SLCO1B1: variants seen among roughly 807,000 people sequenced by gnomAD.
The protein encoded by SLCO1B1 is OATP-2.
Under a neutral mutation model 70.1 loss-of-function variants are expected in SLCO1B1, and 81 were observed. The observed-to-expected ratio is 1.16, with a 90% CI of 0.97 to 1.39. SLCO1B1 has a LOEUF of 1.39. SLCO1B1 is among the 40% of genes most tolerant of loss of function. The pLI, the probability that SLCO1B1 is intolerant of heterozygous loss-of-function variation, is 0.00. For synonymous variants in SLCO1B1, 283 were observed against 271.5 expected (o/e 1.04, Z -0.42); for missense variants, 895 against 799.6 (o/e 1.12, Z -1.44).
At chr12:21,211,149 C>G (rs148393988) in intron 11 of SLCO1B1, among the ~76,000 whole-genome samples, 23 of 152,042 alleles carry the variant, frequency 1.5e-4, no homozygotes, top group Admixed American at 7.9e-4. Flanking sequence ...AGTTTTCAAA[C>G]GGAATGCTTC....
intron 12 of SLCO1B1, among the ~76,000 whole-genome samples, chr12:21,219,085 G>A (rs1020426013): frequency 6.6e-6 from 1 of 152,148 alleles, no homozygotes; most frequent in African/African-American, 2.4e-5. Context: ...CTTTTAGTAT[G>A]GGTGGGGAAT....
At chr12:21,199,470 T>G (rs968684015) in intron 8 of SLCO1B1, among the ~76,000 whole-genome samples, 2 of 152,170 alleles carry the variant, frequency 1.3e-5, no homozygotes, top group Admixed American at 6.6e-5. Context: ...ATAATACTAC[T>G]TGGGACACAA....
chr12:21,227,843 G>T (rs975895270), intron 14 of SLCO1B1, among the ~76,000 whole-genome samples: 1 of 152,004 alleles, frequency 6.6e-6, no homozygotes, highest in Non-Finnish European at 1.5e-5. Context: ...TTTTTGTTCA[G>T]TGAAGGTTTA....
chr12:21,151,156 A>C (rs1483907835), intron 2 of SLCO1B1, among the ~76,000 whole-genome samples: 3 of 152,202 alleles, frequency 2.0e-5, no homozygotes, highest in African/African-American at 7.2e-5. Flanking sequence ...ACTAATTACA[A>C]CACAGTGATA....
At chr12:21,213,010 C>G (rs1941307135) in intron 11 of SLCO1B1, among the ~76,000 whole-genome samples, 1 of 151,690 alleles carries the variant, frequency 6.6e-6, no homozygotes, top group Non-Finnish European at 1.5e-5. Flanking sequence ...GGTCTTGACT[C>G]TTTATCCAAT....
chr12:21,132,733 C>G (rs1189484194), intron 1 of SLCO1B1, among the ~76,000 whole-genome samples: 1 of 151,870 alleles, frequency 6.6e-6, no homozygotes, highest in African/African-American at 2.4e-5. Flanking sequence ...TGGGTATTAG[C>G]CTTTTGTCAG....
Position 21,223,438 on chromosome 12 carries a change from CTTAAAACAATCCATTACG to C in SLCO1B1, c.1747+1077_1747+1094del, listed in dbSNP as rs1941451345. 4.6e-5 allele frequency among the ~76,000 whole-genome samples: 7 copies of C among 152,078 alleles called. No individual in the cohort carries two copies. The South Asian group carries it at 1.4e-3, about 31-fold the overall frequency. The stretch of plus-strand genomic sequence containing the variant: ...GTAGTGATTAGGACAAAGTTTATTA[CTTAAAACAATCCATTACG>C]TTTGTTCAAATCAGTGGCATTATGT... On this transcript the variant is annotated intron_variant, in intron 13 of 14. Coordinates refer to ENST00000256958, the MANE Select transcript of SLCO1B1 (RefSeq NM_006446.5).
intron 7 of SLCO1B1, among the ~76,000 whole-genome samples, chr12:21,179,662 A>C (rs1940868802): frequency 6.6e-6 from 1 of 152,134 alleles, no homozygotes; most frequent in African/African-American, 2.4e-5. Flanking sequence ...TTCCCTAAAA[A>C]TATTCTTGCA....
intron 11 of SLCO1B1, among the ~76,000 whole-genome samples, chr12:21,207,856 A>G (rs1411987223): frequency 6.6e-6 from 1 of 151,868 alleles, no homozygotes; most frequent in Non-Finnish European, 1.5e-5. Flanking sequence ...GTGAGATGGT[A>G]TCTCCTTGGG....
At chr12:21,151,392 C>G (rs1192223820) in intron 2 of SLCO1B1, among the ~76,000 whole-genome samples, 1 of 152,092 alleles carries the variant, frequency 6.6e-6, no homozygotes, top group Non-Finnish European at 1.5e-5. Context: ...CGTCATACCA[C>G]TTCATGGGTA....
intron 14 of SLCO1B1, among the ~76,000 whole-genome samples, chr12:21,226,302 T>C (rs992142386): frequency 2.0e-5 from 3 of 151,842 alleles, no homozygotes; most frequent in Non-Finnish European, 2.9e-5. Flanking sequence ...TAATTTCAGC[T>C]ACTTGGGAGG....
intron 11 of SLCO1B1, among the ~76,000 whole-genome samples, chr12:21,216,485 T>C (rs566659918): frequency 5.3e-5 from 8 of 152,310 alleles, no homozygotes; most frequent in African/African-American, 1.7e-4. Context: ...TGAAATCACT[T>C]GTTTCTACAT....
chr12:21,170,344 A>G (rs1940742181), intron 2 of SLCO1B1, among the ~76,000 whole-genome samples: 1 of 152,150 alleles, frequency 6.6e-6, no homozygotes, highest in Non-Finnish European at 1.5e-5. Context: ...AGGTACAGAA[A>G]CCTTGTAATT....
Position 21,189,179 on chromosome 12 carries a change from A to G in SLCO1B1, c.728-7767A>G, listed in dbSNP as rs189899459. On this transcript the variant is annotated intron_variant, in intron 7 of 14. Transcript: ENST00000256958. Reference sequence around the variant, plus strand: ...AGAGTTCTGTATTTAATTTTTGAGGAATCTTTATAATACCTTTTATACTGG... The same window carrying G: ...AGAGTTCTGTATTTAATTTTTGAGGGATCTTTATAATACCTTTTATACTGG... Among the ~76,000 whole-genome samples the G allele has an allele frequency of 1.1e-4, 17 of 152,204 alleles. No individual in the cohort carries two copies. In the East Asian group the frequency reaches 3.3e-3, roughly 29 times the overall value.
chr12:21,237,925 G>A (rs910288857), intron 14 of SLCO1B1, among the ~76,000 whole-genome samples: 16 of 152,218 alleles, frequency 1.1e-4, no homozygotes, highest in African/African-American at 3.9e-4. Context: ...ATGTTGGTCA[G>A]GCTGGTCTCT....
chr12:21,201,132 T>G (rs1226306796), intron 9 of SLCO1B1, among the ~76,000 whole-genome samples: 2 of 152,084 alleles, frequency 1.3e-5, no homozygotes, highest in Non-Finnish European at 2.9e-5. Context: ...TTTTACAGAG[T>G]ATTTTTTGCT....
intron 7 of SLCO1B1, among the ~76,000 whole-genome samples, chr12:21,187,386 A>G (rs1338382755): frequency 6.6e-6 from 1 of 152,118 alleles, no homozygotes; most frequent in African/African-American, 2.4e-5. Flanking sequence ...AAGTAGCTTG[A>G]CAGTAAGGGA....
intron 1 of SLCO1B1, among the ~76,000 whole-genome samples, 158 bp downstream of exon 1, chr12:21,131,394 T>G (rs984429553): frequency 9.9e-5 from 15 of 152,056 alleles, no homozygotes; most frequent in African/African-American, 3.6e-4. Flanking sequence ...AAATATTCCT[T>G]CTGGGAGTAG....
intron 10 of SLCO1B1, among the ~76,000 whole-genome samples, chr12:21,203,325 T>C (rs1341142900): frequency 1.3e-5 from 2 of 152,092 alleles, no homozygotes; most frequent in East Asian, 3.9e-4. Context: ...TTTTCCATGA[T>C]TACCATGTAT....
Sources: gnomAD v4.1 joint callset for allele counts (sites outside exome capture counted in the v4.1 genomes callset) on GRCh38, gnomAD v4.1.1 for gene constraint, MANE v1.5 for transcripts, NCBI Gene and HGNC (gene_info 2026-07-23, HGNC 2026-07-21) for gene names.